The following NRG2 variants were observed in gnomAD, a reference collection of about 807,000 sequenced individuals.
NRG2 encodes the protein neuregulin 2.
In NRG2, 27 loss-of-function variants were observed where a neutral mutation model predicts 73.9. The observed-to-expected ratio is 0.37, with a 90% CI of 0.27 to 0.50. The LOEUF is 0.50. Among genes scored for constraint, NRG2 ranks in the 20% least tolerant of loss-of-function variants. NRG2 has a pLI of 0.96. For synonymous variants in NRG2, 532 were observed against 541.0 expected, an observed-to-expected ratio of 0.98 and a Z score of 0.23; for missense variants, 1,126 against 1,210.1, an observed-to-expected ratio of 0.93 and a Z score of 1.03.
At chr5:139,993,528 G>GACCA (rs971155453) in intron 1 of NRG2, among the ~76,000 whole-genome samples, 1 of 152,016 alleles carries the variant, frequency 6.6e-6, no homozygotes, top group African/African-American at 2.4e-5. Flanking sequence ...GACCTTTATG[G>GACCA]ACCATCCAAT....
At chr5:140,006,589 A>G (rs1250023819) in intron 1 of NRG2, among the ~76,000 whole-genome samples, 1 of 152,214 alleles carries the variant, frequency 6.6e-6, no homozygotes, top group African/African-American at 2.4e-5. Flanking sequence ...CATTCATAAG[A>G]TTGTCTAATA....
At chr5:140,002,356 AAC>A (rs1280701321) in intron 1 of NRG2, among the ~76,000 whole-genome samples, 1 of 152,160 alleles carries the variant, frequency 6.6e-6, no homozygotes, top group African/African-American at 2.4e-5. Flanking sequence ...TGAAAAATAA[AAC>A]AGAGTAGGGT....
At chr5:139,893,171 A>AT (rs1324820331) in intron 1 of NRG2, among the ~76,000 whole-genome samples, 1 of 152,084 alleles carries the variant, frequency 6.6e-6, no homozygotes, top group Non-Finnish European at 1.5e-5. Context: ...TTTATATCCC[A>AT]TTTTTCTCAG....
intron 1 of NRG2, among the ~76,000 whole-genome samples, chr5:139,996,310 T>C (rs1758007194): frequency 6.6e-6 from 1 of 152,242 alleles, no homozygotes; most frequent in African/African-American, 2.4e-5. Flanking sequence ...AAAAATGATG[T>C]ATGATGGCTA....
intron 1 of NRG2, among the ~76,000 whole-genome samples, chr5:139,896,903 C>A (rs1764582550): frequency 6.6e-6 from 1 of 152,180 alleles, no homozygotes; most frequent in African/African-American, 2.4e-5. Flanking sequence ...TAGAGAAAGG[C>A]CGCCCACCTT....
chr5:139,908,383 C>T (rs971662089), intron 1 of NRG2, among the ~76,000 whole-genome samples: 1 of 152,072 alleles, frequency 6.6e-6, no homozygotes, highest in Non-Finnish European at 1.5e-5. Flanking sequence ...GCCCTTTATG[C>T]GCCAGGCTCT....
At chr5:140,015,486 C>A (rs1759694594) in intron 1 of NRG2, among the ~76,000 whole-genome samples, 1 of 152,114 alleles carries the variant, frequency 6.6e-6, no homozygotes, top group Admixed American at 6.5e-5. Context: ...ATCTTTGTGT[C>A]CCCAGTACCC....
intron 1 of NRG2, among the ~76,000 whole-genome samples, chr5:139,941,887 A>G (rs576247056): frequency 6.6e-6 from 1 of 152,326 alleles, no homozygotes; most frequent in South Asian, 2.1e-4. Context: ...GCAGCTTGAC[A>G]TGATTTGTGA....
At chr5:140,024,512 C>G (rs2126675774) in intron 1 of NRG2, among the ~76,000 whole-genome samples, 1 of 152,344 alleles carries the variant, frequency 6.6e-6, no homozygotes, top group Middle Eastern at 3.4e-3. Flanking sequence ...GCCTCGGCCT[C>G]CCAGAGTGCT....
chr5:139,890,739 CTG>C (rs1237142148), intron 1 of NRG2, among the ~76,000 whole-genome samples: 1 of 152,194 alleles, frequency 6.6e-6, no homozygotes, highest in Non-Finnish European at 1.5e-5. Context: ...GAAGCAGAAG[CTG>C]TGAGTGTGGG....
At chr5:139,958,534 G>C (rs1193975175) in intron 1 of NRG2, among the ~76,000 whole-genome samples, 3 of 152,138 alleles carry the variant, frequency 2.0e-5, no homozygotes, top group African/African-American at 4.8e-5. Context: ...ATGGAAAAAG[G>C]ATATTTTTTG....
chr5:139,903,514 A>G (rs1472674089), intron 1 of NRG2, among the ~76,000 whole-genome samples: 4 of 152,188 alleles, frequency 2.6e-5, no homozygotes, highest in Non-Finnish European at 5.9e-5. Context: ...GCCTGGTTCT[A>G]CGGAGAGGAT....
At position 139,847,788 on chromosome 5, in the gene NRG2, A is replaced by AT; in HGVS notation, c.*128dup. On this transcript the variant is annotated 3_prime_UTR_variant, in exon 10 of 10. Transcript: ENST00000361474. ...TAAAATGAAAATAAAACATTTTGTT[A>AT]TACTTTTTTCCTTTTATAGAAAATA... 1 of 656,808 alleles carries AT rather than the reference A, an allele frequency of 1.5e-6. No individual in the cohort carries two copies. The highest frequency in any genetic ancestry group is 2.2e-6 in the Non-Finnish European group (1 of 456,936). The allele number at this position is 656,808 out of a possible 1,614,324, so 40.7% of individuals were successfully genotyped here.
chr5:139,972,938 G>C (rs1218965048), intron 1 of NRG2, among the ~76,000 whole-genome samples: 3 of 152,022 alleles, frequency 2.0e-5, no homozygotes, highest in Non-Finnish European at 4.4e-5. Context: ...CATAATCAAA[G>C]TAAATTAAAA....
At chr5:139,932,869 G>A (rs917281044) in intron 1 of NRG2, among the ~76,000 whole-genome samples, 1 of 151,934 alleles carries the variant, frequency 6.6e-6, no homozygotes, top group Non-Finnish European at 1.5e-5. Context: ...AATGAAAAAG[G>A]CTCAAATAAA....
At chr5:139,970,086 T>A (rs1755857307) in intron 1 of NRG2, among the ~76,000 whole-genome samples, 1 of 152,170 alleles carries the variant, frequency 6.6e-6, no homozygotes, top group Non-Finnish European at 1.5e-5. Flanking sequence ...AGAAAAAAGA[T>A]GTCTGACTAT....
At chr5:139,959,176 C>T (rs1019027723) in intron 1 of NRG2, among the ~76,000 whole-genome samples, 6 of 150,298 alleles carry the variant, frequency 4.0e-5, no homozygotes, top group Non-Finnish European at 7.4e-5. Flanking sequence ...ATAAGACTTC[C>T]TTGTGTTTTG....
intron 1 of NRG2, among the ~76,000 whole-genome samples, chr5:139,899,222 G>A (rs1010443993): frequency 2.2e-4 from 33 of 152,182 alleles, no homozygotes; most frequent in African/African-American, 7.5e-4. Context: ...GGGCCACCCA[G>A]CTCAATCAGT....
chr5:139,899,407 A>C (rs1764739395), intron 1 of NRG2, among the ~76,000 whole-genome samples: 1 of 152,200 alleles, frequency 6.6e-6, no homozygotes, highest in Non-Finnish European at 1.5e-5. Context: ...GGTTCCCAAT[A>C]ATTTAAATGT....
Sources: allele counts gnomAD v4.1 joint callset (sites outside exome capture counted in the v4.1 genomes callset), GRCh38; gene constraint gnomAD v4.1.1; transcripts MANE v1.5; gene names NCBI Gene and HGNC (gene_info 2026-07-23, HGNC 2026-07-21).